The following LOXHD1 variants were observed in gnomAD, a reference collection of about 807,000 sequenced individuals.
LOXHD1 encodes lipoxygenase homology domain-containing protein 1.
Under a neutral mutation model 248.2 loss-of-function variants are expected in LOXHD1, and 205 were observed. That is an observed-to-expected ratio of 0.83 (90% CI 0.74 to 0.93). The LOEUF is 0.93. Ranked by LOEUF, LOXHD1 falls within the 40% of genes least tolerant of loss-of-function variation. The pLI is 0.00. For synonymous variants in LOXHD1, 1,113 were observed against 1,162.8 expected, an observed-to-expected ratio of 0.96 and a Z score of 0.87; for missense variants, 2,930 against 2,971.6, an observed-to-expected ratio of 0.99 and a Z score of 0.33.
chr18:46,643,450 C>T (rs1427281096), intron 2 of LOXHD1, among the ~76,000 whole-genome samples: 1 of 152,188 alleles, frequency 6.6e-6, no homozygotes, highest in African/African-American at 2.4e-5. Flanking sequence ...GTTTTCTCCA[C>T]GAAGCACCAG....
intron 20 of LOXHD1, chr18:46,559,134 C>G: frequency 7.4e-7 from 1 of 1,354,548 alleles, no homozygotes; most frequent in South Asian, 1.2e-5. Flanking sequence ...CACCATCTTG[C>G]GGCGAGGACT....
chr18:46,546,856 G>A (rs924448822), intron 22 of LOXHD1, 39 bp downstream of exon 22: 1 of 1,531,162 alleles, frequency 6.5e-7, no homozygotes, highest in African/African-American at 1.4e-5. Context: ...GCAGAGGGGA[G>A]GGGTGCTGGA....
At chr18:46,484,512 G>C (rs2032869286) in intron 39 of LOXHD1, among the ~76,000 whole-genome samples, 1 of 152,182 alleles carries the variant, frequency 6.6e-6, no homozygotes, top group Admixed American at 6.5e-5. Flanking sequence ...CACCAGATTT[G>C]CTGGTGCCTT....
intron 21 of LOXHD1, among the ~76,000 whole-genome samples, chr18:46,553,260 G>C (rs11660225): frequency 0.16 from 24,374 of 152,260 alleles, 2,113 homozygotes; most frequent in South Asian, 0.25. Flanking sequence ...GATCAGGAAG[G>C]GTGCTGGGCG....
At chr18:46,615,053 C>T (rs1034587988) in intron 5 of LOXHD1, among the ~76,000 whole-genome samples, 1 of 152,152 alleles carries the variant, frequency 6.6e-6, no homozygotes, top group Non-Finnish European at 1.5e-5. Context: ...TTTTAGGATG[C>T]TGAGATGAAA....
intron 37 of LOXHD1, among the ~76,000 whole-genome samples, chr18:46,493,707 G>A (rs2033645775): frequency 1.3e-5 from 2 of 152,224 alleles, no homozygotes. Context: ...AAACTGTGCA[G>A]TGTGAGGTCT....
Position 46,542,828 on chromosome 18 carries a change from G to C in LOXHD1, c.3647C>G (p.Thr1216Arg), listed in dbSNP as rs1260092890. 1.3e-6 allele frequency: 2 copies of C among 1,551,614 alleles called. No individual in the cohort carries two copies. Among genetic ancestry groups the C allele is most frequent in the Non-Finnish European group, 1.7e-6 (2 of 1,147,010 alleles). ...TGMTLLKSSKTNSDKFERDSI... is the reference protein window; with the variant it reads ...TGMTLLKSSKRNSDKFERDSI... ...GTCCCTCTCAAACTTATCGCTGTTT[G>C]TCTTGGAGGACTTCAGGAGGGTCAT... is the stretch of plus-strand genomic sequence containing the variant. The change falls in exon 24 of 41, where the codon ACA (threonine) becomes AGA (arginine). Residue 1216 changes from threonine (T) to arginine (R), a missense_variant. Thr to Arg is a moderately conservative substitution (Grantham distance 71). Transcript: ENST00000642948.
At chr18:46,643,031 G>T (rs1417129853) in intron 2 of LOXHD1, among the ~76,000 whole-genome samples, 2 of 152,266 alleles carry the variant, frequency 1.3e-5, no homozygotes, top group East Asian at 3.9e-4. Context: ...GGAAGGGGAA[G>T]GGCCTTCTCC....
intron 37 of LOXHD1, among the ~76,000 whole-genome samples, chr18:46,496,927 T>C (rs1184498793): frequency 2.0e-5 from 3 of 152,154 alleles, no homozygotes; most frequent in Non-Finnish European, 4.4e-5. Flanking sequence ...CACTTGAACC[T>C]GGGAGGCAGA....
chr18:46,483,084 G>C (rs529829593), intron 40 of LOXHD1, among the ~76,000 whole-genome samples: 7 of 152,326 alleles, frequency 4.6e-5, no homozygotes, highest in Admixed American at 1.3e-4. Flanking sequence ...TCTCCAGAAG[G>C]CTCTGATGAG....
At chr18:46,592,738 T>C (rs1262434163) in intron 10 of LOXHD1, among the ~76,000 whole-genome samples, 154 bp from the exon 11 acceptor site, 1 of 152,180 alleles carries the variant, frequency 6.6e-6, no homozygotes, top group Non-Finnish European at 1.5e-5. Flanking sequence ...ACATATTTTA[T>C]CTTCTCATGA....
intron 38 of LOXHD1, among the ~76,000 whole-genome samples, chr18:46,488,126 C>T (rs2033199171): frequency 6.6e-6 from 1 of 152,140 alleles, no homozygotes; most frequent in Non-Finnish European, 1.5e-5. Flanking sequence ...GCAGGTAAGG[C>T]TGACTGGGCA....
At chr18:46,511,698 G>A (rs977669558) in intron 34 of LOXHD1, among the ~76,000 whole-genome samples, 5 of 152,202 alleles carry the variant, frequency 3.3e-5, no homozygotes, top group Admixed American at 6.5e-5. Flanking sequence ...CCCTGGGAGA[G>A]GGCTGGCCAG....
chr18:46,585,189 C>G (rs1488411058), intron 12 of LOXHD1, among the ~76,000 whole-genome samples: 1 of 152,056 alleles, frequency 6.6e-6, no homozygotes, highest in Admixed American at 6.5e-5. Context: ...CAATGTGGTG[C>G]TGGAGATTTC....
rs1364420803 is a variant in LOXHD1 at position 46,572,115 on chromosome 18, A to G, written c.2018T>C (p.Leu673Pro). The G allele has an allele frequency of 6.4e-7, 1 of 1,551,866 alleles. No homozygotes were observed. The highest frequency in any genetic ancestry group is 8.7e-7 in the Non-Finnish European group (1 of 1,147,034). Residue 673 changes from leucine (L) to proline (P), a missense_variant, in exon 15 of 41, where the codon CTA becomes CCA. Leu to Pro is a moderately conservative substitution (Grantham distance 98, BLOSUM62 -3). Transcript: ENST00000642948. ...KDDGQLVREL[L>P]PSDSSATLKN... ...CAGTGTCGCGCTGCTGTCACTGGGTAGCAACTCTCGGACCAGCTGCCCATC... is the reference window on the plus strand; with the variant it reads ...CAGTGTCGCGCTGCTGTCACTGGGTGGCAACTCTCGGACCAGCTGCCCATC...
At chr18:46,634,315 G>A (rs1449532253) in intron 4 of LOXHD1, among the ~76,000 whole-genome samples, 1 of 152,206 alleles carries the variant, frequency 6.6e-6, no homozygotes, top group Non-Finnish European at 1.5e-5. Flanking sequence ...TAAGTGAAAT[G>A]AGCTAGATGC....
chr18:46,560,691 T>A, intron 18 of LOXHD1, 146 bp from the exon 19 acceptor site: 1 of 727,276 alleles, frequency 1.4e-6, no homozygotes, highest in Non-Finnish European at 2.2e-6. Context: ...CTCAGATCCT[T>A]CCACCACCTC....
intron 4 of LOXHD1, 123 bp downstream of exon 4, chr18:46,639,493 G>T (rs2038935479): frequency 8.4e-7 from 1 of 1,190,866 alleles, no homozygotes; most frequent in Middle Eastern, 2.9e-4. Flanking sequence ...CAACAGGAAG[G>T]CCCTGGAGGC....
intron 4 of LOXHD1, among the ~76,000 whole-genome samples, chr18:46,637,453 T>C (rs968873024): frequency 4.6e-5 from 7 of 152,166 alleles, no homozygotes; most frequent in African/African-American, 1.7e-4. Context: ...GCAGGTCAGA[T>C]GAGCTGAAAA....
Sources: allele counts gnomAD v4.1 joint callset (sites outside exome capture counted in the v4.1 genomes callset), GRCh38; gene constraint gnomAD v4.1.1; transcripts MANE v1.5; gene names NCBI Gene and HGNC (gene_info 2026-07-23, HGNC 2026-07-21).